Variants in HLA-DPB1 observed in about 807,000 individuals in gnomAD.
The protein encoded by HLA-DPB1 is major histocompatibility complex, class II, DP beta 1, also known as HLA class II histocompatibility antigen, DP beta 1 chain.
In HLA-DPB1, 30 loss-of-function variants were observed where a neutral mutation model predicts 29.4. That is an observed-to-expected ratio of 1.02 (90% CI 0.76 to 1.38). The LOEUF (loss-of-function observed/expected upper bound fraction) is 1.38. HLA-DPB1 is among the 40% of genes most tolerant of loss of function. The pLI is 0.00. For missense variants in HLA-DPB1, 261 were observed against 327.5 expected (o/e 0.80, Z 1.57); for synonymous variants, 114 against 134.0 (o/e 0.85, Z 1.03).
Position 33,080,978 on chromosome 6 carries a change from G to A in HLA-DPB1, c.364+43G>A, listed in dbSNP as rs963522194. The A allele has an allele frequency of 2.6e-5, 40 of 1,525,208 alleles. No homozygotes were observed. The highest frequency in any genetic ancestry group is 3.5e-5 in the Non-Finnish European group (40 of 1,141,582). 94.5% of individuals were successfully genotyped at this position (1,525,208 alleles called of 1,614,324 possible). ...GCCGGCGGTCCCAGGGCAGCCCCGCGGGCCCGTGCCCAGGGCGCAGGAGCA... is the reference window on the plus strand; with the variant it reads ...GCCGGCGGTCCCAGGGCAGCCCCGCAGGCCCGTGCCCAGGGCGCAGGAGCA... On this transcript the variant is annotated intron_variant, in intron 2 of 5. Coordinates refer to ENST00000418931, the MANE Select transcript of HLA-DPB1 (RefSeq NM_002121.6). This position sits in a 1 kb window ranked among gnomAD's most constrained non-coding sequence, Gnocchi z 4.3.
At chr6:33,085,364 C>T (rs879025225) in intron 3 of HLA-DPB1, 133 bp downstream of exon 3, 1 of 782,468 alleles carries the variant, frequency 1.3e-6, no homozygotes, top group Admixed American at 2.8e-5. Context: ...TCTATACCAG[C>T]TCCTGAGCAT....
intron 1 of HLA-DPB1, chr6:33,079,717 G>A (rs932044943): frequency 1.2e-5 from 6 of 511,006 alleles, no homozygotes; most frequent in African/African-American, 9.8e-5. Context: ...TGAAAGTGCT[G>A]CTGATGTGCA....
rs986312685 is a variant in HLA-DPB1 at position 33,085,324 on chromosome 6, C to T, written c.646+93C>T. On this transcript the variant is annotated intron_variant, in intron 3 of 5. Coordinates refer to ENST00000418931, the MANE Select transcript of HLA-DPB1 (RefSeq NM_002121.6). The stretch of plus-strand genomic sequence containing the variant: ...CTCATCTTATCTTCTGCATCTATAC[C>T]CTGGGGCCATGTCCAAACCCCATCT... The T allele has an allele frequency of 5.7e-5, 65 of 1,136,040 alleles. 1 individual carries two copies. The highest frequency in any genetic ancestry group is 7.6e-5 in the Non-Finnish European group (60 of 791,514). 70.4% of individuals were successfully genotyped at this position (1,136,040 alleles called of 1,614,324 possible).
Position 33,080,189 on chromosome 6 carries a change from A to G in HLA-DPB1, c.101-483A>G, listed in dbSNP as rs879446365. On this transcript the variant is annotated intron_variant, in intron 1 of 5. Transcript: ENST00000418931. This position sits in a 1 kb window ranked among gnomAD's most constrained non-coding sequence, Gnocchi z 4.3. ...GGTCGAGAAGAGAGAGCGCTTAGCTATGGAAAAGAGAAAGAAGGAAGGGAG... is the reference window on the plus strand; with the variant it reads ...GGTCGAGAAGAGAGAGCGCTTAGCTGTGGAAAAGAGAAAGAAGGAAGGGAG... Among the ~76,000 whole-genome samples, 2 of 152,212 alleles carry G rather than the reference A, an allele frequency of 1.3e-5. No individual in the cohort carries two copies. The highest frequency in any genetic ancestry group is 6.5e-5 in the Admixed American group (1 of 15,288).
At chr6:33,076,659 C>A (rs576044134) in intron 1 of HLA-DPB1, among the ~76,000 whole-genome samples, 1 of 152,262 alleles carries the variant, frequency 6.6e-6, no homozygotes, top group South Asian at 2.1e-4. Flanking sequence ...TAGGTTTTAG[C>A]CCCTGAAGGC....
chr6:33,088,843 G>A lies in HLA-DPB1; in HGVS notation c.*2309G>A, dbSNP rs1763229492. ...AGTGGGTGACTCAACCTCTGACTCA[G>A]AAAAATTGATACCTGCAGAAGAAAA... On this transcript the variant is annotated 3_prime_UTR_variant, in exon 6 of 6. Transcript: ENST00000418931. Among the ~76,000 whole-genome samples the A allele has an allele frequency of 6.6e-6, 1 of 152,116 alleles. No individual in the cohort carries two copies. Among genetic ancestry groups the A allele is most frequent in the African/African-American group, 2.4e-5 (1 of 41,386 alleles).
rs370864722 is a variant in HLA-DPB1, at chr6:33,085,200, C to T, written c.615C>T (p.Thr205=). Residue 205 remains threonine (T), a synonymous_variant, in exon 3 of 6, where the codon ACC becomes ACT. Coordinates refer to ENST00000418931, the MANE Select transcript of HLA-DPB1 (RefSeq NM_002121.6). ...TCTACACCTGCCAAGTGGAGCACACCAGCCTGGATAGTCCTGTCACCGTGG... is the reference window on the plus strand; with the variant it reads ...TCTACACCTGCCAAGTGGAGCACACTAGCCTGGATAGTCCTGTCACCGTGG... ...GDVYTCQVEH[T]SLDSPVTVEW... 2 of 1,611,450 alleles carry T rather than the reference C, an allele frequency of 1.2e-6. No homozygotes were observed. Among genetic ancestry groups the T allele is most frequent in the African/African-American group, 2.7e-5 (2 of 74,778 alleles).
intron 2 of HLA-DPB1, among the ~76,000 whole-genome samples, chr6:33,082,348 G>A (rs9277368): frequency 0.37 from 56,063 of 150,764 alleles, 11,839 homozygotes; most frequent in East Asian, 0.63. Context: ...CTCCAGGCCC[G>A]CAGGTCCCCA....
At chr6:33,076,877 C>G (rs1762564452) in intron 1 of HLA-DPB1, among the ~76,000 whole-genome samples, 1 of 152,004 alleles carries the variant, frequency 6.6e-6, no homozygotes. Flanking sequence ...ATTATGGCAT[C>G]TATGATCCAT....
rs534162897 is a variant in HLA-DPB1, at chr6:33,085,090, G to T, written c.505G>T (p.Val169Phe). The T allele has an allele frequency of 6.2e-7, 1 of 1,613,800 alleles. No individual in the cohort carries two copies. Among genetic ancestry groups the T allele is most frequent in the Admixed American group, 1.7e-5 (1 of 60,000 alleles). The change falls in exon 3 of 6, where the codon GTC (valine) becomes TTC (phenylalanine). Residue 169 changes from valine to phenylalanine, a missense_variant. Physicochemically the swap from Val to Phe is conservative, Grantham distance 50. Transcript: ENST00000418931. ...FLNGQEETAGVVSTNLIRNGD... is the reference protein window; with the variant it reads ...FLNGQEETAGFVSTNLIRNGD... Reference sequence around the variant, plus strand: ...GAATGGACAGGAGGAAACAGCTGGGGTCGTGTCCACCAACCTGATCCGTAA... The same window carrying T: ...GAATGGACAGGAGGAAACAGCTGGGTTCGTGTCCACCAACCTGATCCGTAA...
chr6:33,082,824 T>C lies in HLA-DPB1; in HGVS notation c.364+1889T>C, dbSNP rs367738857. Among the ~76,000 whole-genome samples, 82 of 152,290 alleles carry C rather than the reference T, an allele frequency of 5.4e-4. 1 individual carries two copies. The South Asian group carries it at 7.5e-3, about 14-fold the overall frequency. The stretch of plus-strand genomic sequence containing the variant: ...GGCAACTAGAACAAACAGGAATCCT[T>C]GCCTTGGTGAAATGTATTTGAACTG... On this transcript the variant is annotated intron_variant, in intron 2 of 5. Coordinates refer to ENST00000418931, the MANE Select transcript of HLA-DPB1 (RefSeq NM_002121.6).
chr6:33,078,345 A>G (rs914761974), intron 1 of HLA-DPB1, among the ~76,000 whole-genome samples: 2 of 152,138 alleles, frequency 1.3e-5, no homozygotes, highest in Non-Finnish European at 2.9e-5. Context: ...GAGTGGGTAA[A>G]GTGGGCAGGG....
rs1451811540 is a variant in HLA-DPB1, at chr6:33,086,539, G to T, written c.*5G>T. ...GATAACTTGTCTTTTACCCCCACAG[G>T]GTTCCTGAGCTCACTGAAAAGACTA... On this transcript the variant is annotated splice_region_variant and 3_prime_UTR_variant, in exon 6 of 6. Coordinates refer to ENST00000418931, the MANE Select transcript of HLA-DPB1 (RefSeq NM_002121.6). The T allele has an allele frequency of 4.6e-6, 3 of 654,340 alleles. No homozygotes were observed. Among genetic ancestry groups the T allele is most frequent in the Admixed American group, 2.1e-5 (1 of 47,516 alleles). The allele number at this position is 654,340 out of a possible 1,614,324, so 40.5% of individuals were successfully genotyped here.
rs779381535 is a variant in HLA-DPB1 at position 33,080,907 on chromosome 6, G to A, written c.336G>A (p.Leu112=). 1 of 1,605,486 alleles carries A rather than the reference G, an allele frequency of 6.2e-7. No homozygotes were observed. Among genetic ancestry groups the A allele is most frequent in the Non-Finnish European group, 8.5e-7 (1 of 1,176,278 alleles). The change falls in exon 2 of 6, where the codon CTG becomes CTA. Residue 112 remains leucine (L), a synonymous_variant. Coordinates refer to ENST00000418931, the MANE Select transcript of HLA-DPB1 (RefSeq NM_002121.6). This position sits in a 1 kb window ranked among gnomAD's most constrained non-coding sequence, Gnocchi z 4.3. The part of the protein sequence containing the change: ...PDRMCRHNYE[L]GGPMTLQRRV... The stretch of plus-strand genomic sequence containing the variant: ...GGATGTGCAGACACAACTACGAGCT[G>A]GGCGGGCCCATGACCCTGCAGCGCC...
chr6:33,076,103 T>A lies in HLA-DPB1; in HGVS notation c.62T>A (p.Val21Glu), dbSNP rs763465797. Residue 21 changes from valine to glutamate, a missense_variant, in exon 1 of 6, where the codon GTG (valine) becomes GAG (glutamate). Coordinates refer to ENST00000418931, the MANE Select transcript of HLA-DPB1 (RefSeq NM_002121.6). ...RTVALTALLMVLLTSVVQGRA... is the reference protein window; with the variant it reads ...RTVALTALLMELLTSVVQGRA... ...GTGGCTCTGACGGCGTTACTGATGG[T>A]GCTGCTCACATCTGTGGTCCAGGGC... The A allele has an allele frequency of 2.5e-6, 4 of 1,612,052 alleles. No individual in the cohort carries two copies. The South Asian group carries it at 4.4e-5, about 18-fold the overall frequency.
At position 33,085,004 on chromosome 6, in the gene HLA-DPB1, A is replaced by G; in HGVS notation, c.419A>G (p.Asn140Ser). The change falls in exon 3 of 6, where the codon AAC becomes AGC. Residue 140 changes from asparagine (N) to serine (S), a missense_variant. By Grantham distance (46) the Asn-to-Ser change is conservative. Transcript: ENST00000418931. Reference protein sequence around the residue: ...PSKKGPLQHHNLLVCHVTDFY... With the variant: ...PSKKGPLQHHSLLVCHVTDFY... ...AAGAAGGGGCCCTTGCAGCACCACA[A>G]CCTGCTTGTCTGCCACGTGACGGAT... 1.9e-6 allele frequency: 3 copies of G among 1,611,752 alleles called. No homozygotes were observed. The highest frequency in any genetic ancestry group is 2.5e-6 in the Non-Finnish European group (3 of 1,178,678).
At position 33,080,997 on chromosome 6, in the gene HLA-DPB1, A is replaced by T; in HGVS notation, c.364+62A>T. 6.7e-7 allele frequency: 1 copy of T among 1,485,990 alleles called. No individual in the cohort carries two copies. Among genetic ancestry groups the T allele is most frequent in the Non-Finnish European group, 8.9e-7 (1 of 1,123,750 alleles). 92.1% of individuals were successfully genotyped at this position (1,485,990 alleles called of 1,614,324 possible). A position where few individuals can be genotyped will look rare whatever the true frequency, so the allele number is the denominator to read the frequency against. On this transcript the variant is annotated intron_variant, in intron 2 of 5. Transcript: ENST00000418931. The surrounding 1 kb of genome is among the most constrained non-coding windows in gnomAD (Gnocchi z 4.3). ...CCCCGCGGGCCCGTGCCCAGGGCGC[A>T]GGAGCAGCCGGGTTGGCCTAAGGGA... is the stretch of plus-strand genomic sequence containing the variant.
chr6:33,078,833 A>C (rs1215743520), intron 1 of HLA-DPB1, among the ~76,000 whole-genome samples: 1 of 152,176 alleles, frequency 6.6e-6, no homozygotes, highest in African/African-American at 2.4e-5. Context: ...TGAGGAGGAG[A>C]AACAAAGACT....
chr6:33,080,563 C>T lies in HLA-DPB1; in HGVS notation c.101-109C>T, dbSNP rs17214685. ...CTAGGAAAACTCCTATTTTAAAATC[C>T]AGCCCTGGGTGGGAAGATTTGGGAA... On this transcript the variant is annotated intron_variant, in intron 1 of 5. Transcript: ENST00000418931. The surrounding 1 kb of genome is among the most constrained non-coding windows in gnomAD (Gnocchi z 4.3). 9.9e-3 allele frequency: 15,110 copies of T among 1,524,924 alleles called. 203 individuals are homozygous for T. The highest frequency in any genetic ancestry group is 0.064 in the African/African-American group (4,607 of 72,258). The allele number at this position is 1,524,924 out of a possible 1,614,324, so 94.5% of individuals were successfully genotyped here. A position where few individuals can be genotyped will look rare whatever the true frequency, so the allele number is the denominator to read the frequency against.
Sources: gnomAD v4.1 joint callset for allele counts (sites outside exome capture counted in the v4.1 genomes callset) on GRCh38, gnomAD v4.1.1 for gene constraint, Gnocchi (gnomAD v3.1) non-coding constraint, MANE v1.5 for transcripts, NCBI Gene and HGNC (gene_info 2026-07-23, HGNC 2026-07-21) for gene names.